Variants in YWHAG observed in about 807,000 individuals in gnomAD.
YWHAG encodes 14-3-3 protein gamma.
A neutral mutation model predicts 23.3 loss-of-function variants in YWHAG; 1 was observed. That is an observed-to-expected ratio of 0.04 (90% CI 0.02 to 0.20). The LOEUF (loss-of-function observed/expected upper bound fraction) is 0.20, where lower values mean the gene tolerates loss of function less well. Among genes scored for constraint, YWHAG ranks in the 10% least tolerant of loss-of-function variants. The pLI, the probability that YWHAG is intolerant of heterozygous loss-of-function variation, is 1.00. For synonymous variants in YWHAG, 160 were observed against 144.0 expected, an observed-to-expected ratio of 1.11 and a Z score of -0.80; for missense variants, 151 against 338.6, an observed-to-expected ratio of 0.45 and a Z score of 4.35.
At chr7:76,349,709 AT>A (rs1803845431) in intron 1 of YWHAG, among the ~76,000 whole-genome samples, 1 of 152,218 alleles carries the variant, frequency 6.6e-6, no homozygotes, top group South Asian at 2.1e-4. Context: ...AGTTCCAAAC[AT>A]CTGAAGTCTT....
chr7:76,332,782 C>A (rs1313908889), intron 1 of YWHAG, among the ~76,000 whole-genome samples: 1 of 151,714 alleles, frequency 6.6e-6, no homozygotes, highest in Non-Finnish European at 1.5e-5. Flanking sequence ...TGTCGGCTCA[C>A]TGCAACCTCC....
At chr7:76,330,411 C>T (rs927464811) in intron 1 of YWHAG, among the ~76,000 whole-genome samples, 178 bp from the exon 2 acceptor site, 3 of 152,120 alleles carry the variant, frequency 2.0e-5, no homozygotes, top group Admixed American at 6.6e-5. Flanking sequence ...GGGAAAAGTG[C>T]GGCTGGATCA....
chr7:76,339,287 T>C (rs1157030838), intron 1 of YWHAG, among the ~76,000 whole-genome samples: 1 of 151,938 alleles, frequency 6.6e-6, no homozygotes, highest in Non-Finnish European at 1.5e-5. Flanking sequence ...CTGGCCAATA[T>C]GGTGAAACCC....
At position 76,327,182 on chromosome 7, in the gene YWHAG, T is replaced by C. The variant is rs1445551904; in HGVS notation, c.*2395A>G. ...ACAGATCAATTTGTTACAATCACTATTTGGTAGAGCAAACTTTACCCCCAA... is the reference window on the plus strand; with the variant it reads ...ACAGATCAATTTGTTACAATCACTACTTGGTAGAGCAAACTTTACCCCCAA... On this transcript the variant is annotated 3_prime_UTR_variant, in exon 2 of 2. Coordinates refer to ENST00000307630, the MANE Select transcript of YWHAG (RefSeq NM_012479.4). 6.6e-6 allele frequency: 1 copy of C among 152,000 alleles called. No homozygotes were observed. The highest frequency in any genetic ancestry group is 2.4e-5 in the African/African-American group (1 of 41,348). 9.4% of individuals were successfully genotyped at this position (152,000 alleles called of 1,614,324 possible). A position where few individuals can be genotyped will look rare whatever the true frequency, so the allele number is the denominator to read the frequency against.
Position 76,357,876 on chromosome 7 carries a change from G to A in YWHAG, c.87+846C>T, listed in dbSNP as rs960054365. ...AACTTATAGGAATTTCAACAGACGC[G>A]TGCCTGTATTCAAAAAAGAAACGGC... On this transcript the variant is annotated intron_variant, in intron 1 of 1. Transcript: ENST00000307630. Among the ~76,000 whole-genome samples, 12 of 152,196 alleles carry A rather than the reference G, an allele frequency of 7.9e-5. No individual in the cohort carries two copies. The South Asian group carries it at 2.5e-3, about 32-fold the overall frequency.
rs560983475 is a variant in YWHAG, at chr7:76,340,926, G to C, written c.88-10693C>G. On this transcript the variant is annotated intron_variant, in intron 1 of 1. Coordinates refer to ENST00000307630, the MANE Select transcript of YWHAG (RefSeq NM_012479.4). ...GGATCTCACTCTGTCACCCAGGCTGGAGTGCAGTAGTATGATCAGGGCCCA... is the reference window on the plus strand; with the variant it reads ...GGATCTCACTCTGTCACCCAGGCTGCAGTGCAGTAGTATGATCAGGGCCCA... Among the ~76,000 whole-genome samples, 3 of 152,258 alleles carry C rather than the reference G, an allele frequency of 2.0e-5. No individual in the cohort carries two copies. In the South Asian group the frequency reaches 6.2e-4, roughly 32 times the overall value.
At chr7:76,338,213 G>A (rs1456543848) in intron 1 of YWHAG, among the ~76,000 whole-genome samples, 1 of 152,128 alleles carries the variant, frequency 6.6e-6, no homozygotes, top group Non-Finnish European at 1.5e-5. Context: ...CAAACTGCAT[G>A]GAAACTTGGA....
Position 76,358,888 on chromosome 7 carries a change from C to A in YWHAG, c.-80G>T. ...GGGCTTGGAGGGCGCGACTGGAGCCCAAGTGCCGGAGAGGACCGACCCACA... is the reference window on the plus strand; with the variant it reads ...GGGCTTGGAGGGCGCGACTGGAGCCAAAGTGCCGGAGAGGACCGACCCACA... On this transcript the variant is annotated 5_prime_UTR_variant, in exon 1 of 2. Transcript: ENST00000307630. 1 of 1,397,174 alleles carries A rather than the reference C, an allele frequency of 7.2e-7. No individual in the cohort carries two copies. Among genetic ancestry groups the A allele is most frequent in the African/African-American group, 1.5e-5 (1 of 68,096 alleles). 86.5% of individuals were successfully genotyped at this position (1,397,174 alleles called of 1,614,324 possible). A position where few individuals can be genotyped will look rare whatever the true frequency, so the allele number is the denominator to read the frequency against.
intron 1 of YWHAG, among the ~76,000 whole-genome samples, chr7:76,349,982 A>G (rs903080495): frequency 6.6e-6 from 1 of 152,212 alleles, no homozygotes; most frequent in Non-Finnish European, 1.5e-5. Flanking sequence ...CAACAGAGCA[A>G]GACTGTCTCC....
At chr7:76,330,367 G>C in intron 1 of YWHAG, 134 bp from the exon 2 acceptor site, 1 of 991,468 alleles carries the variant, frequency 1.0e-6, no homozygotes, top group East Asian at 2.6e-5. Context: ...GTGGGCTGGG[G>C]GAAGGGGGCT....
chr7:76,340,787 T>C (rs1274461999), intron 1 of YWHAG, among the ~76,000 whole-genome samples: 1 of 152,230 alleles, frequency 6.6e-6, no homozygotes, highest in Non-Finnish European at 1.5e-5. Flanking sequence ...TTAAGAATTG[T>C]AGCAGTTTCT....
In YWHAG at chr7:76,327,689, C is replaced by CCCCCCCCCCCCA. The variant is rs1803468773; in HGVS notation, c.*1887_*1888insTGGGGGGGGGGG. The CCCCCCCCCCCCA allele has an allele frequency of 1.8e-5, 2 of 110,178 alleles. No individual in the cohort carries two copies. The highest frequency in any genetic ancestry group is 7.9e-5 in the African/African-American group (2 of 25,206). 6.8% of individuals were successfully genotyped at this position (110,178 alleles called of 1,614,324 possible). On this transcript the variant is annotated 3_prime_UTR_variant, in exon 2 of 2. Coordinates refer to ENST00000307630, the MANE Select transcript of YWHAG (RefSeq NM_012479.4). Reference sequence around the variant, plus strand: ...CCCTGCCCCCCCCCCCCTCCCCCCCCAAATCGTCTTCCTCCCATGGCAATG... The same window carrying CCCCCCCCCCCCA: ...CCCTGCCCCCCCCCCCCTCCCCCCCCCCCCCCCCCCCAAAATCGTCTTCCTCCCATGGCAATG...
chr7:76,358,616 G>T, intron 1 of YWHAG, 106 bp downstream of exon 1: 1 of 1,166,044 alleles, frequency 8.6e-7, no homozygotes, highest in Non-Finnish European at 1.2e-6. Context: ...GAGACGGGGC[G>T]GTCAACCCGC....
intron 1 of YWHAG, among the ~76,000 whole-genome samples, chr7:76,344,670 T>C: frequency 6.6e-6 from 1 of 152,220 alleles, no homozygotes; most frequent in East Asian, 1.9e-4. Flanking sequence ...GGGTTATTTA[T>C]CTGTGTCCAG....
In YWHAG at chr7:76,327,802, C is replaced by G. The variant is rs1413334848; in HGVS notation, c.*1775G>C. On this transcript the variant is annotated 3_prime_UTR_variant, in exon 2 of 2. Coordinates refer to ENST00000307630, the MANE Select transcript of YWHAG (RefSeq NM_012479.4). The stretch of plus-strand genomic sequence containing the variant: ...GCTTCACTTAACTGGGACTTTTACT[C>G]TAGCGTGAGGAGGGGGCCTCCTAAG... 2 of 151,542 alleles carry G rather than the reference C, an allele frequency of 1.3e-5. No homozygotes were observed. Among genetic ancestry groups the G allele is most frequent in the Admixed American group, 1.3e-4 (2 of 15,098 alleles). 9.4% of individuals were successfully genotyped at this position (151,542 alleles called of 1,614,324 possible). A position where few individuals can be genotyped will look rare whatever the true frequency, so the allele number is the denominator to read the frequency against.
intron 1 of YWHAG, among the ~76,000 whole-genome samples, chr7:76,337,844 T>G (rs1583985902): frequency 6.6e-6 from 1 of 152,308 alleles, no homozygotes; most frequent in East Asian, 1.9e-4. Context: ...CCCCATTTGC[T>G]GATTGAGCTT....
chr7:76,337,159 T>C (rs1803628352), intron 1 of YWHAG, among the ~76,000 whole-genome samples: 1 of 152,226 alleles, frequency 6.6e-6, no homozygotes, highest in Admixed American at 6.5e-5. Flanking sequence ...TTCAGTCTGC[T>C]GTCTTTCGAA....
intron 1 of YWHAG, among the ~76,000 whole-genome samples, chr7:76,335,145 C>T (rs1563663268): frequency 6.6e-6 from 1 of 152,182 alleles, no homozygotes; most frequent in Non-Finnish European, 1.5e-5. Flanking sequence ...GCAACCTCTG[C>T]CTCCTGGGTT....
In YWHAG at chr7:76,350,798, C is replaced by T. The variant is rs978682201; in HGVS notation, c.87+7924G>A. On this transcript the variant is annotated intron_variant, in intron 1 of 1. Coordinates refer to ENST00000307630, the MANE Select transcript of YWHAG (RefSeq NM_012479.4). ...GGCAGAGGTGGTAGTAAGCTGAGAT[C>T]GCGCCACTGCACTCCACCCTGAGCA... Among the ~76,000 whole-genome samples, 112 of 151,944 alleles carry T rather than the reference C, an allele frequency of 7.4e-4. 1 individual carries two copies. The highest frequency in any genetic ancestry group is 2.6e-3 in the African/African-American group (107 of 41,326).
Sources: gnomAD v4.1 joint callset for allele counts (sites outside exome capture counted in the v4.1 genomes callset) on GRCh38, gnomAD v4.1.1 for gene constraint, MANE v1.5 for transcripts, NCBI Gene and HGNC (gene_info 2026-07-23, HGNC 2026-07-21) for gene names.